Variants in WDR72 observed in about 807,000 individuals in gnomAD.
WDR72 encodes the protein WD repeat domain 72.
In WDR72, 120 loss-of-function variants were observed where a neutral mutation model predicts 124.2. The observed-to-expected ratio is 0.97, with a 90% CI of 0.83 to 1.12. WDR72 has a LOEUF of 1.12. Ranked by LOEUF, WDR72 falls within the 50% of genes most tolerant of loss-of-function variation. The pLI is 0.00. For missense variants in WDR72, 1,387 were observed against 1,278.8 expected (o/e 1.08, Z -1.29); for synonymous variants, 452 against 441.7 (o/e 1.02, Z -0.29).
At chr15:53,543,413 G>A (rs1893259988) in intron 18 of WDR72, among the ~76,000 whole-genome samples, 1 of 152,140 alleles carries the variant, frequency 6.6e-6, no homozygotes, top group South Asian at 2.1e-4. Context: ...ATAAGAAAAT[G>A]AAGGTAGAAA....
At chr15:53,755,418 A>G (rs2140901938) in intron 1 of WDR72, among the ~76,000 whole-genome samples, 1 of 152,356 alleles carries the variant, frequency 6.6e-6, no homozygotes, top group Non-Finnish European at 1.5e-5. Context: ...TTAAATAATA[A>G]TTACAGCTAA....
intron 18 of WDR72, among the ~76,000 whole-genome samples, chr15:53,535,878 T>TGACA (rs1196473468): frequency 6.6e-6 from 1 of 152,122 alleles, no homozygotes; most frequent in Non-Finnish European, 1.5e-5. Context: ...GGCTCAAGGC[T>TGACA]GACACTCAGA....
At position 53,597,102 on chromosome 15, in the gene WDR72, A is replaced by C. The variant is rs772007019; in HGVS notation, c.3125T>G (p.Val1042Gly). The C allele has an allele frequency of 3.1e-6, 5 of 1,613,678 alleles. No individual in the cohort carries two copies. The African/African-American group carries it at 6.7e-5, about 22-fold the overall frequency. ...ACTTTGCAGAGGCAAAGTGTTTCTA[A>C]CACACTGTAACTCTAGTTCTTCTGT... is the stretch of plus-strand genomic sequence containing the variant. ...EWTEELELQC[V>G]RNTLPLQTPV... The change falls in exon 18 of 20, where the codon GTT becomes GGT. Residue 1042 changes from valine (V) to glycine (G), a missense_variant. Val to Gly is a moderately radical substitution (Grantham distance 109). Transcript: ENST00000360509.
chr15:53,576,879 T>C (rs1009146868), intron 18 of WDR72, among the ~76,000 whole-genome samples: 1 of 152,162 alleles, frequency 6.6e-6, no homozygotes, highest in African/African-American at 2.4e-5. Flanking sequence ...CAGAATATTT[T>C]TGGGAAATCT....
intron 15 of WDR72, among the ~76,000 whole-genome samples, 192 bp from the exon 16 acceptor site, chr15:53,613,949 ATTTAT>A (rs887436172): frequency 6.6e-6 from 1 of 151,724 alleles, no homozygotes; most frequent in African/African-American, 2.4e-5. Context: ...CTAAAATCTT[ATTTAT>A]TTATTTTTTT....
chr15:53,664,913 G>A (rs1390995611), intron 14 of WDR72, among the ~76,000 whole-genome samples: 5 of 151,978 alleles, frequency 3.3e-5, no homozygotes, highest in Admixed American at 6.6e-5. Context: ...ACATATAAAC[G>A]GCATAGTTAC....
intron 14 of WDR72, among the ~76,000 whole-genome samples, chr15:53,618,183 TTTGAATTTC>T (rs1342973156): frequency 3.4e-4 from 51 of 152,130 alleles, no homozygotes; most frequent in African/African-American, 1.2e-3. Flanking sequence ...GTAACCAATA[TTTGAATTTC>T]ATGCTTATAA....
intron 13 of WDR72, among the ~76,000 whole-genome samples, chr15:53,678,751 C>T (rs1459831348): frequency 1.3e-5 from 2 of 152,166 alleles, no homozygotes; most frequent in African/African-American, 4.8e-5. Context: ...GTTCTATCCC[C>T]CACCTCTCAT....
At chr15:53,653,881 GATATA>G (rs144227748) in intron 14 of WDR72, among the ~76,000 whole-genome samples, 4,720 of 152,022 alleles carry the variant, frequency 0.031, 236 homozygotes, top group African/African-American at 0.11. Context: ...TAGTTTAGGA[GATATA>G]ATATATTTTA....
At chr15:53,744,864 T>C (rs990626657) in intron 1 of WDR72, among the ~76,000 whole-genome samples, 9 of 152,196 alleles carry the variant, frequency 5.9e-5, no homozygotes, top group Non-Finnish European at 1.0e-4. Flanking sequence ...GACCAAAGCA[T>C]AGTCTTGCTC....
chr15:53,647,313 C>T (rs189992424), intron 14 of WDR72, among the ~76,000 whole-genome samples: 29 of 152,140 alleles, frequency 1.9e-4, no homozygotes, highest in Admixed American at 1.6e-3. Context: ...AGATTCATTA[C>T]TTAAAAATAG....
At chr15:53,746,147 G>T (rs2018638760) in intron 1 of WDR72, among the ~76,000 whole-genome samples, 1 of 152,150 alleles carries the variant, frequency 6.6e-6, no homozygotes, top group South Asian at 2.1e-4. Flanking sequence ...GAACAAGGAA[G>T]GACAACACGC....
Position 53,702,177 on chromosome 15 carries a change from G to C in WDR72, c.1526C>G (p.Ala509Gly). 6.2e-7 allele frequency: 1 copy of C among 1,613,914 alleles called. No homozygotes were observed. Residue 509 changes from alanine (A) to glycine (G), a missense_variant, in exon 12 of 20, where the codon GCT becomes GGT. Physicochemically the swap from Ala to Gly is moderately conservative, Grantham distance 60. Transcript: ENST00000360509. ...EEILHKFFLEAGPVTSLLMSP... is the reference protein window; with the variant it reads ...EEILHKFFLEGGPVTSLLMSP... ...CATCAAAAGACTTGTTACTGGACCAGCTTCCAAAAAGAATTTATGCAAAAT... is the reference window on the plus strand; with the variant it reads ...CATCAAAAGACTTGTTACTGGACCACCTTCCAAAAAGAATTTATGCAAAAT...
chr15:53,675,199 C>T (rs999993252), intron 13 of WDR72, among the ~76,000 whole-genome samples: 19 of 151,958 alleles, frequency 1.3e-4, no homozygotes, highest in African/African-American at 3.6e-4. Flanking sequence ...CAAAATTAGC[C>T]GGGCATGGTG....
chr15:53,712,716 A>C (rs898315340), intron 7 of WDR72, 56 bp downstream of exon 7: 1 of 1,548,970 alleles, frequency 6.5e-7, no homozygotes, highest in African/African-American at 1.4e-5. Context: ...TTTTGTACAA[A>C]ACAAAAAAAA....
chr15:53,703,331 A>T (rs78907473), intron 11 of WDR72, among the ~76,000 whole-genome samples: 3,962 of 152,282 alleles, frequency 0.026, 89 homozygotes, highest in African/African-American at 0.053. Context: ...GGCTTTACAG[A>T]TAAAGCATCT....
At chr15:53,728,873 T>C (rs761712252) in intron 2 of WDR72, among the ~76,000 whole-genome samples, 7 of 152,076 alleles carry the variant, frequency 4.6e-5, no homozygotes, top group Non-Finnish European at 8.8e-5. Flanking sequence ...AGGCATGCAG[T>C]GAGAAGCCCA....
intron 17 of WDR72, among the ~76,000 whole-genome samples, chr15:53,604,772 C>T (rs546659301): frequency 3.9e-5 from 6 of 152,086 alleles, no homozygotes; most frequent in Admixed American, 6.6e-5. Context: ...AAAACCACAA[C>T]GAGATAATAC....
intron 18 of WDR72, among the ~76,000 whole-genome samples, chr15:53,566,483 G>A (rs969876831): frequency 6.6e-6 from 1 of 151,982 alleles, no homozygotes; most frequent in Non-Finnish European, 1.5e-5. Context: ...GAGTCGGGGG[G>A]TGACTTTTGA....
Sources: gnomAD v4.1 joint callset for allele counts (sites outside exome capture counted in the v4.1 genomes callset) on GRCh38, gnomAD v4.1.1 for gene constraint, MANE v1.5 for transcripts, NCBI Gene and HGNC (gene_info 2026-07-23, HGNC 2026-07-21) for gene names.